MKLN1: variants seen among roughly 807,000 people sequenced by gnomAD.
The protein encoded by MKLN1 is muskelin.
A neutral mutation model predicts 99.0 loss-of-function variants in MKLN1; 18 were observed. The ratio of observed to expected loss-of-function variants is 0.18; its 90% CI spans 0.13 to 0.27. The LOEUF is 0.27. Among genes scored for constraint, MKLN1 ranks in the 10% least tolerant of loss-of-function variants. The probability of loss-of-function intolerance (pLI) is 1.00; values close to 1 mark genes in which losing one functional copy is unlikely to be tolerated. For synonymous variants in MKLN1, 288 were observed against 293.2 expected (o/e 0.98, Z 0.18); for missense variants, 621 against 875.9 (o/e 0.71, Z 3.67).
At chr7:131,273,638 T>C (rs1023067260) in intron 3 of MKLN1, among the ~76,000 whole-genome samples, 16 of 151,764 alleles carry the variant, frequency 1.1e-4, no homozygotes, top group Admixed American at 1.1e-3. Context: ...CTTTTTTTTT[T>C]TTTTGTGACA....
Position 131,235,060 on chromosome 7 carries a change from C to A in MKLN1, c.-179+32086C>A, listed in dbSNP as rs148517637. On this transcript the variant is annotated intron_variant, in intron 3 of 7. Coordinates refer to the MKLN1 transcript ENST00000416992. The stretch of plus-strand genomic sequence containing the variant: ...TCTTCCCTGGTTCGGACATGAAGAA[C>A]ACGGGGCTCTTCACATATATATTTT... 7.2e-4 allele frequency among the ~76,000 whole-genome samples: 110 copies of A among 152,304 alleles called. 1 individual carries two copies. The East Asian group carries it at 0.016, about 22-fold the overall frequency.
At chr7:131,286,451 C>T (rs1408828817) in intron 3 of MKLN1, among the ~76,000 whole-genome samples, 7 of 151,642 alleles carry the variant, frequency 4.6e-5, no homozygotes, top group African/African-American at 1.7e-4. Context: ...TTTTTTTTTC[C>T]TCCCCCAAGG....
rs1386097822 is a variant in MKLN1 at position 131,366,392 on chromosome 7, TA to T, written c.99-9028del. 2.0e-5 allele frequency among the ~76,000 whole-genome samples: 3 copies of T among 152,326 alleles called. No homozygotes were observed. In the East Asian group the frequency reaches 5.8e-4, roughly 29 times the overall value. ...AAATTAGAGGTGGCTTTAAAGTATC[TA>T]AAACTTCCAATTTAAAGTTGGCGGG... On this transcript the variant is annotated intron_variant, in intron 1 of 17. Coordinates refer to ENST00000352689, the MANE Select transcript of MKLN1 (RefSeq NM_013255.5).
intron 3 of MKLN1, among the ~76,000 whole-genome samples, chr7:131,250,994 T>C (rs1797569197): frequency 6.6e-6 from 1 of 152,102 alleles, no homozygotes; most frequent in Admixed American, 6.6e-5. Context: ...TGCAGAGCTC[T>C]TCAGAAAACT....
Position 131,464,338 on chromosome 7 carries a change from C to T in MKLN1, c.1718C>T (p.Thr573Ile). Residue 573 changes from threonine to isoleucine, a missense_variant, in exon 14 of 18, where the codon ACT (threonine) becomes ATT (isoleucine). Around this residue, in one of 8 missense-constraint regions of MKLN1, gnomAD observed 30 missense variants for 29.3 expected, o/e 1.02. Coordinates refer to ENST00000352689, the MANE Select transcript of MKLN1 (RefSeq NM_013255.5). Reference sequence around the variant, plus strand: ...GATCAAGCTGCAAAGGATAATCCAACTAAAAGTCTTCAGGAAGAAGAACCA... The same window carrying T: ...GATCAAGCTGCAAAGGATAATCCAATTAAAAGTCTTCAGGAAGAAGAACCA... Reference protein sequence around the residue: ...KNDQAAKDNPTKSLQEEEPCP... With the variant: ...KNDQAAKDNPIKSLQEEEPCP... 6.2e-7 allele frequency: 1 copy of T among 1,613,612 alleles called. No homozygotes were observed. The highest frequency in any genetic ancestry group is 8.5e-7 in the Non-Finnish European group (1 of 1,179,736).
chr7:131,210,387 G>T (rs1227394614), intron 3 of MKLN1, among the ~76,000 whole-genome samples: 1 of 151,742 alleles, frequency 6.6e-6, no homozygotes, highest in Non-Finnish European at 1.5e-5. Flanking sequence ...CAAAAAATTA[G>T]CAGGCGTGGC....
chr7:131,221,502 CTTT>C lies in MKLN1; in HGVS notation c.-179+18548_-179+18550del, dbSNP rs71174930. ...CCATTCTGGAGATTTGATCATGCCA[CTTT>C]TTTTTTTTTTTTTTTTTTTAAAGAC... On this transcript the variant is annotated intron_variant, in intron 3 of 7. Coordinates refer to the MKLN1 transcript ENST00000416992. Among the ~76,000 whole-genome samples the C allele has an allele frequency of 6.9e-3, 861 of 123,948 alleles. 10 individuals carry two copies. The highest frequency in any genetic ancestry group is 0.021 in the African/African-American group (713 of 33,172). 81.3% of individuals were successfully genotyped at this position (123,948 alleles called of 152,430 possible).
intron 4 of MKLN1, among the ~76,000 whole-genome samples, chr7:131,391,235 T>C (rs1794190261): frequency 6.6e-6 from 1 of 152,196 alleles, no homozygotes; most frequent in Admixed American, 6.5e-5. Context: ...TTCATTTAGG[T>C]AAATCGTTAG....
chr7:131,410,730 G>A (rs1794849362), intron 6 of MKLN1, among the ~76,000 whole-genome samples: 1 of 151,926 alleles, frequency 6.6e-6, no homozygotes, highest in African/African-American at 2.4e-5. Flanking sequence ...ACAAGTGGTG[G>A]GAGATCACAA....
At chr7:131,326,591 C>T (rs1185004192), upstream of MKLN1, among the ~76,000 whole-genome samples, 7 of 152,104 alleles carry the variant, frequency 4.6e-5, no homozygotes, top group African/African-American at 1.4e-4. Context: ...GTGATCCACC[C>T]ACCTCAGCCT....
At chr7:131,141,947 G>A (rs58784746) in intron 1 of MKLN1, among the ~76,000 whole-genome samples, 283 of 152,288 alleles carry the variant, frequency 1.9e-3, no homozygotes, top group African/African-American at 6.5e-3. Context: ...AGAAATGAAT[G>A]AATGTGAATG....
chr7:131,247,013 T>C (rs1797499280), intron 3 of MKLN1, among the ~76,000 whole-genome samples: 2 of 152,166 alleles, frequency 1.3e-5, no homozygotes, highest in Admixed American at 1.3e-4. Flanking sequence ...TCAGAGCCTC[T>C]ATTAATCTGA....
chr7:131,460,797 A>C (rs997364102), intron 12 of MKLN1, among the ~76,000 whole-genome samples: 1 of 152,198 alleles, frequency 6.6e-6, no homozygotes, highest in African/African-American at 2.4e-5. Flanking sequence ...CCATGTTATA[A>C]AATTTTTAAT....
intron 1 of MKLN1, among the ~76,000 whole-genome samples, chr7:131,359,031 T>G (rs1272119687): frequency 6.6e-6 from 1 of 152,084 alleles, no homozygotes; most frequent in Non-Finnish European, 1.5e-5. Flanking sequence ...TGCCCTAAGA[T>G]TTATTTATTT....
At chr7:131,186,028 T>TA (rs1489491381) in intron 2 of MKLN1, among the ~76,000 whole-genome samples, 4 of 150,276 alleles carry the variant, frequency 2.7e-5, no homozygotes, top group Non-Finnish European at 4.4e-5. Context: ...CCGTCTTCAC[T>TA]AAAAAAAACA....
At chr7:131,291,540 C>T (rs1168305747) in intron 3 of MKLN1, among the ~76,000 whole-genome samples, 3 of 149,262 alleles carry the variant, frequency 2.0e-5, no homozygotes, top group African/African-American at 4.9e-5. Context: ...ATGCAGAATA[C>T]ATATGTAATA....
chr7:131,173,285 A>C (rs180952181), intron 2 of MKLN1, among the ~76,000 whole-genome samples: 247 of 152,304 alleles, frequency 1.6e-3, no homozygotes, highest in Admixed American at 2.8e-3. Context: ...AACACTACAG[A>C]TAGTTGAACC....
At position 131,445,776 on chromosome 7, in the gene MKLN1, A is replaced by G; in HGVS notation, c.1398A>G (p.Lys466=). The G allele has an allele frequency of 6.3e-7, 1 of 1,586,808 alleles. No individual in the cohort carries two copies. Among genetic ancestry groups the G allele is most frequent in the African/African-American group, 1.4e-5 (1 of 73,228 alleles). ...TTTTTTTTTTTCTTCTTTTTCAGAA[A>G]AATCGTTGCTTATATGTATTTGGTG... ...RIGHCMLFHS[K]NRCLYVFGGQ... The change falls in exon 12 of 18, where the codon AAA becomes AAG. Residue 466 remains lysine, a splice_region_variant and synonymous_variant. Coordinates refer to ENST00000352689, the MANE Select transcript of MKLN1 (RefSeq NM_013255.5).
At chr7:131,209,845 G>A (rs535572967) in intron 3 of MKLN1, among the ~76,000 whole-genome samples, 7 of 152,148 alleles carry the variant, frequency 4.6e-5, no homozygotes, top group East Asian at 3.9e-4. Context: ...GTGGCTGTCC[G>A]GAATACCATC....
Sources: gnomAD v4.1 joint callset for allele counts (sites outside exome capture counted in the v4.1 genomes callset) on GRCh38, gnomAD v4.1.1 for gene constraint, gnomAD v4.1.1 regional missense constraint, MANE v1.5 for transcripts, NCBI Gene and HGNC (gene_info 2026-07-23, HGNC 2026-07-21) for gene names.